Variants in RANBP2 observed in about 807,000 individuals in gnomAD.
RANBP2 encodes the protein RAN binding protein 2, also known as E3 SUMO-protein ligase RanBP2.
Under a neutral mutation model 303.6 loss-of-function variants are expected in RANBP2, and 57 were observed. The ratio of observed to expected loss-of-function variants is 0.19; its 90% CI spans 0.15 to 0.23. The LOEUF (loss-of-function observed/expected upper bound fraction) is 0.23. Among genes scored for constraint, RANBP2 ranks in the 10% least tolerant of loss-of-function variants. The pLI, the probability that RANBP2 is intolerant of heterozygous loss-of-function variation, is 1.00. For synonymous variants in RANBP2, 1,167 were observed against 1,301.5 expected (o/e 0.90, Z 2.23); for missense variants, 3,138 against 3,780.8 (o/e 0.83, Z 4.46).
chr2:108,725,023 T>C (rs753914530), intron 1 of RANBP2, among the ~76,000 whole-genome samples: 53 of 152,314 alleles, frequency 3.5e-4, no homozygotes, highest in Middle Eastern at 3.4e-3. Flanking sequence ...TATTAAGTTT[T>C]GGACAATTAC....
the RANBP2 span, among the ~76,000 whole-genome samples, chr2:109,218,330 C>G: frequency 6.6e-6 from 1 of 152,202 alleles, no homozygotes; most frequent in Non-Finnish European, 1.5e-5. Flanking sequence ...TGGATTTCTT[C>G]TACTTCACCA....
At chr2:109,730,652 C>A in the RANBP2 span, among the ~76,000 whole-genome samples, 1 of 152,154 alleles carries the variant, frequency 6.6e-6, no homozygotes, top group South Asian at 2.1e-4. Flanking sequence ...GGCTAGAAGT[C>A]TGAGATCAAG....
the RANBP2 span, among the ~76,000 whole-genome samples, chr2:108,820,488 A>C: frequency 6.6e-6 from 1 of 152,076 alleles, no homozygotes; most frequent in African/African-American, 2.4e-5. Flanking sequence ...AGTTCAAGAA[A>C]CTCAAGGAAC....
the RANBP2 span, among the ~76,000 whole-genome samples, chr2:109,676,464 A>C: frequency 6.6e-6 from 1 of 152,334 alleles, no homozygotes; most frequent in Non-Finnish European, 1.5e-5. Flanking sequence ...CGGGCTGCTC[A>C]GTGTTGTTGA....
chr2:108,810,211 G>T, the RANBP2 span, among the ~76,000 whole-genome samples: 1 of 152,104 alleles, frequency 6.6e-6, no homozygotes, highest in African/African-American at 2.4e-5. Flanking sequence ...GAGCATCCTT[G>T]TCTTGTTCTA....
At chr2:109,719,019 A>AG in the RANBP2 span, among the ~76,000 whole-genome samples, 1 of 132,758 alleles carries the variant, frequency 7.5e-6, no homozygotes, top group African/African-American at 2.5e-5. Context: ...AAAAAAAAAA[A>AG]AAAAAAAAAG....
At chr2:108,907,490 T>C in the RANBP2 span, among the ~76,000 whole-genome samples, 138,843 of 151,926 alleles carry the variant, frequency 0.91, 63,511 homozygotes, top group East Asian at 1. Context: ...TACTAAAATA[T>C]AAAAAAAATT....
At chr2:109,484,099 G>A in the RANBP2 span, among the ~76,000 whole-genome samples, 1 of 138,620 alleles carries the variant, frequency 7.2e-6, no homozygotes, top group East Asian at 2.1e-4. Flanking sequence ...ACCGAGTCTC[G>A]CTCTTGTCTC....
chr2:108,759,738 G>A (rs1676589814), intron 18 of RANBP2, among the ~76,000 whole-genome samples: 1 of 152,116 alleles, frequency 6.6e-6, no homozygotes, highest in Non-Finnish European at 1.5e-5. Flanking sequence ...CATCATATAG[G>A]TCCTTGTAAG....
chr2:109,293,616 A>G, the RANBP2 span, among the ~76,000 whole-genome samples: 356 of 152,346 alleles, frequency 2.3e-3, 1 homozygote, highest in African/African-American at 8.2e-3. Context: ...AAGTAAGTCA[A>G]GTTTCCAAGA....
chr2:108,962,205 C>T, the RANBP2 span, among the ~76,000 whole-genome samples: 3 of 152,208 alleles, frequency 2.0e-5, no homozygotes, highest in Non-Finnish European at 4.4e-5. Context: ...TTGCAGATTG[C>T]GCTGAGATGC....
chr2:109,478,499 C>T, the RANBP2 span, among the ~76,000 whole-genome samples: 2 of 152,212 alleles, frequency 1.3e-5, no homozygotes, highest in South Asian at 2.1e-4. Flanking sequence ...TTCATGCTTT[C>T]CATGAAAATG....
At chr2:108,786,628 G>A (rs1678768564), downstream of RANBP2, 3 of 620,376 alleles carry the variant, frequency 4.8e-6, no homozygotes, top group South Asian at 3.8e-5. Context: ...GGTGTGTAGT[G>A]CTAGCACGAG....
At chr2:109,212,348 G>A in the RANBP2 span, among the ~76,000 whole-genome samples, 1 of 152,250 alleles carries the variant, frequency 6.6e-6, no homozygotes, top group Non-Finnish European at 1.5e-5. Context: ...ATGTTGTCGG[G>A]AAAGTAGGGG....
At chr2:108,850,215 A>G in the RANBP2 span, among the ~76,000 whole-genome samples, 1 of 152,228 alleles carries the variant, frequency 6.6e-6, no homozygotes, top group African/African-American at 2.4e-5. Context: ...TAACTCTAGT[A>G]AGAAGATGTT....
At chr2:109,302,034 T>G in the RANBP2 span, among the ~76,000 whole-genome samples, 1 of 152,194 alleles carries the variant, frequency 6.6e-6, no homozygotes, top group Non-Finnish European at 1.5e-5. Flanking sequence ...CCATAGAGGT[T>G]TTTCTTTCTA....
chr2:108,900,566 AAAAAAAAC>A, the RANBP2 span, among the ~76,000 whole-genome samples: 1 of 77,456 alleles, frequency 1.3e-5, no homozygotes, highest in Non-Finnish European at 3.6e-5. Flanking sequence ...AAAAGAAAAA[AAAAAAAAC>A]AAAAAACCCA....
At chr2:109,312,136 C>A in the RANBP2 span, among the ~76,000 whole-genome samples, 1 of 152,164 alleles carries the variant, frequency 6.6e-6, no homozygotes, top group South Asian at 2.1e-4. Context: ...CTATTCAGAA[C>A]TGGTTATTTG....
the RANBP2 span, among the ~76,000 whole-genome samples, chr2:109,351,428 G>A: frequency 3.3e-5 from 5 of 152,250 alleles, no homozygotes; most frequent in African/African-American, 1.2e-4. Flanking sequence ...GGCTGGGAGT[G>A]CAGGAGAAGA....
Sources: gnomAD v4.1 joint callset for allele counts (sites outside exome capture counted in the v4.1 genomes callset) on GRCh38, gnomAD v4.1.1 for gene constraint, MANE v1.5 for transcripts, NCBI Gene and HGNC (gene_info 2026-07-23, HGNC 2026-07-21) for gene names.